The following EPN3 variants were observed in gnomAD, a reference collection of about 807,000 sequenced individuals.
EPN3 encodes the protein epsin-3.
Under a neutral mutation model 55.5 loss-of-function variants are expected in EPN3, and 56 were observed. The ratio of observed to expected loss-of-function variants is 1.01; its 90% CI spans 0.81 to 1.26. The LOEUF is 1.26. Ranked by LOEUF, EPN3 falls within the 50% of genes most tolerant of loss-of-function variation. The pLI, the probability that EPN3 is intolerant of heterozygous loss-of-function variation, is 0.00. For missense variants in EPN3, 927 were observed against 853.4 expected (o/e 1.09, Z -1.07); for synonymous variants, 449 against 375.2 (o/e 1.20, Z -2.27).
chr17:50,534,860 T>A (rs574396621), intron 1 of EPN3, among the ~76,000 whole-genome samples: 3 of 152,282 alleles, frequency 2.0e-5, no homozygotes, highest in African/African-American at 7.2e-5. Context: ...TCTGGCAGCC[T>A]GGGGACCAGT....
At chr17:50,540,183 C>A in intron 5 of EPN3, 64 bp from the exon 6 acceptor site, 1 of 1,332,112 alleles carries the variant, frequency 7.5e-7, no homozygotes, top group Non-Finnish European at 1.1e-6. Flanking sequence ...CCTGACAGGT[C>A]AGGGCCTGCC....
intron 2 of EPN3, 96 bp from the exon 3 acceptor site, chr17:50,537,983 C>T: frequency 7.7e-6 from 8 of 1,041,182 alleles, no homozygotes; most frequent in Non-Finnish European, 8.8e-6. Context: ...TGTTCCCCTC[C>T]TCTCAGTTCT....
At chr17:50,533,160 A>C (rs2034699972) in intron 1 of EPN3, among the ~76,000 whole-genome samples, 175 bp downstream of exon 1, 1 of 152,084 alleles carries the variant, frequency 6.6e-6, no homozygotes, top group African/African-American at 2.4e-5. Flanking sequence ...GCCGCCCCCA[A>C]AAAGGGACTC....
intron 4 of EPN3, 85 bp from the exon 5 acceptor site, chr17:50,539,102 C>T: frequency 6.3e-7 from 1 of 1,584,630 alleles, no homozygotes; most frequent in East Asian, 2.2e-5. Flanking sequence ...ACCCTGCACT[C>T]TCTCGACTCC....
intron 1 of EPN3, among the ~76,000 whole-genome samples, chr17:50,535,042 A>C (rs532533264): frequency 1.3e-5 from 2 of 152,234 alleles, no homozygotes; most frequent in East Asian, 3.9e-4. Flanking sequence ...TTGGTTTCTG[A>C]AAGGGCCTTT....
In EPN3 at chr17:50,543,420, G is replaced by C. The variant is rs952856098; in HGVS notation, c.*1263G>C. On this transcript the variant is annotated 3_prime_UTR_variant, in exon 10 of 10. Coordinates refer to ENST00000268933, the MANE Select transcript of EPN3 (RefSeq NM_017957.3). ...CCTGTTTTTCTTCTCAATGCTCCCT[G>C]ATCACTGGACCACTGGACACTGATG... The C allele has an allele frequency of 6.6e-6, 1 of 152,276 alleles. No individual in the cohort carries two copies. Among genetic ancestry groups the C allele is most frequent in the African/African-American group, 2.4e-5 (1 of 41,462 alleles). The allele number at this position is 152,276 out of a possible 1,614,324, so 9.4% of individuals were successfully genotyped here.
In EPN3 at chr17:50,539,472, G is replaced by T. The variant is rs554870298; in HGVS notation, c.891+157G>T. On this transcript the variant is annotated intron_variant, in intron 5 of 9. Coordinates refer to ENST00000268933, the MANE Select transcript of EPN3 (RefSeq NM_017957.3). ...GGTGTAGCAGCCCTAGTCCCACATT[G>T]CATGGGCTGGTGACTGAGTTAACAG... is the stretch of plus-strand genomic sequence containing the variant. Among the ~76,000 whole-genome samples the T allele has an allele frequency of 3.3e-5, 5 of 152,318 alleles. No homozygotes were observed. In the East Asian group the frequency reaches 9.6e-4, roughly 29 times the overall value.
At chr17:50,538,712 A>T in intron 3 of EPN3, 172 bp from the exon 4 acceptor site, 1 of 515,948 alleles carries the variant, frequency 1.9e-6, no homozygotes. Flanking sequence ...TGCATTTCAG[A>T]TGCAGGCAGG....
rs1192818597 is a variant in EPN3 at position 50,542,258 on chromosome 17, G to A, written c.*101G>A. The A allele has an allele frequency of 2.4e-6, 3 of 1,266,230 alleles. No individual in the cohort carries two copies. Among genetic ancestry groups the A allele is most frequent in the Admixed American group, 8.0e-5 (2 of 24,854 alleles). The allele number at this position is 1,266,230 out of a possible 1,614,324, so 78.4% of individuals were successfully genotyped here. ...GGGGCGCCGGTGCTAGTGGAACGCCGAGCCAGTGGCGGCTGGTATCCCGCG... is the reference window on the plus strand; with the variant it reads ...GGGGCGCCGGTGCTAGTGGAACGCCAAGCCAGTGGCGGCTGGTATCCCGCG... On this transcript the variant is annotated 3_prime_UTR_variant, in exon 10 of 10. Transcript: ENST00000268933.
In EPN3 at chr17:50,538,020, G is replaced by T; in HGVS notation, c.563-59G>T. On this transcript the variant is annotated intron_variant, in intron 2 of 9. Transcript: ENST00000268933. ...TTGAGCCTCAGCTTCCTGGCAGGCA[G>T]AGGGGTGTGGGAGCCGATGGGTAAT... 1.5e-6 allele frequency: 2 copies of T among 1,376,176 alleles called. 1 individual carries two copies. Among genetic ancestry groups the T allele is most frequent in the Non-Finnish European group, 2.1e-6 (2 of 971,768 alleles). The allele number at this position is 1,376,176 out of a possible 1,614,324, so 85.2% of individuals were successfully genotyped here. A position where few individuals can be genotyped will look rare whatever the true frequency, so the allele number is the denominator to read the frequency against.
At chr17:50,534,774 GC>G in intron 1 of EPN3, 1 of 511,210 alleles carries the variant, frequency 2.0e-6, no homozygotes, top group Non-Finnish European at 2.5e-6. Flanking sequence ...TTTGAACTGA[GC>G]CCAGCACTGG....
Position 50,541,987 on chromosome 17 carries a change from G to A in EPN3, c.1729G>A (p.Ala577Thr). The A allele has an allele frequency of 1.3e-6, 2 of 1,597,986 alleles. No individual in the cohort carries two copies. Among genetic ancestry groups the A allele is most frequent in the Non-Finnish European group, 1.7e-6 (2 of 1,178,610 alleles). ...GAPLGSMTYS[A>T]SLPLPLSSVP... is the part of the protein sequence containing the mutation. ...GCCCCTGGGCTCCATGACCTACAGC[G>A]CCTCTCTGCCCCTCCCGCTCAGCAG... The change falls in exon 10 of 10, where the codon GCC becomes ACC. Residue 577 changes from alanine to threonine, a missense_variant. Transcript: ENST00000268933.
chr17:50,534,638 G>A, intron 1 of EPN3: 1 of 985,484 alleles, frequency 1.0e-6, no homozygotes, highest in Non-Finnish European at 1.2e-6. Flanking sequence ...GAAGGAAAGA[G>A]ATAGCAGACA....
chr17:50,533,087 G>A (rs2034698054), intron 1 of EPN3, 102 bp downstream of exon 1: 1 of 713,388 alleles, frequency 1.4e-6, no homozygotes, highest in Non-Finnish European at 2.0e-6. Flanking sequence ...TTTTCCAGGT[G>A]CGAGGGAGAA....
In EPN3 at chr17:50,542,076, A is replaced by G. The variant is rs759223780; in HGVS notation, c.1818A>G (p.Ala606=). Residue 606 remains alanine, a synonymous_variant, in exon 10 of 10, where the codon GCA becomes GCG. Coordinates refer to ENST00000268933, the MANE Select transcript of EPN3 (RefSeq NM_017957.3). ...TCTTCCCGCAGGCCGGAGCCTTCGC[A>G]CCGCAGCCGCTGCTGCCCACGCCGA... ...VSVFPQAGAF[A]PQPLLPTPSS... 8.2e-6 allele frequency: 13 copies of G among 1,580,158 alleles called. No individual in the cohort carries two copies. Among genetic ancestry groups the G allele is most frequent in the African/African-American group, 6.9e-5 (5 of 72,914 alleles).
rs144393297 is a variant in EPN3, at chr17:50,536,634, G to A, written c.78G>A (p.Glu26=). ...CCGAGGCAGAAATCAAGGTGCGCGA[G>A]GCCACCAGCAATGACCCCTGGGGCC... is the stretch of plus-strand genomic sequence containing the variant. The part of the protein sequence containing the change: ...NYSEAEIKVR[E]ATSNDPWGPP... The change falls in exon 2 of 10, where the codon GAG becomes GAA. Residue 26 remains glutamate (E), a synonymous_variant. Coordinates refer to ENST00000268933, the MANE Select transcript of EPN3 (RefSeq NM_017957.3). The A allele has an allele frequency of 1.9e-6, 3 of 1,613,946 alleles. No individual in the cohort carries two copies. The highest frequency in any genetic ancestry group is 2.5e-6 in the Non-Finnish European group (3 of 1,180,022).
At chr17:50,537,526 C>G (rs2034782436) in intron 2 of EPN3, 1 of 241,708 alleles carries the variant, frequency 4.1e-6, no homozygotes, top group Non-Finnish European at 8.1e-6. Context: ...AGACCAGGTT[C>G]AGGAACGTCC....
chr17:50,536,988 A>T lies in EPN3; in HGVS notation c.432A>T (p.Arg144=). 6.2e-7 allele frequency: 1 copy of T among 1,613,734 alleles called. No individual in the cohort carries two copies. Residue 144 remains arginine, a synonymous_variant, in exon 2 of 10, where the codon CGA becomes CGT. Coordinates refer to ENST00000268933, the MANE Select transcript of EPN3 (RefSeq NM_017957.3). ...LKDEERLRQE[R]THALKTKERM... is the part of the protein sequence containing the mutation. ...ATGAGGAGCGGCTGCGGCAGGAGCG[A>T]ACCCACGCCCTCAAGACCAAGGAGC... is the stretch of plus-strand genomic sequence containing the variant.
At position 50,542,171 on chromosome 17, in the gene EPN3, C is replaced by T; in HGVS notation, c.*14C>T. The T allele has an allele frequency of 6.8e-7, 1 of 1,471,972 alleles. No individual in the cohort carries two copies. The highest frequency in any genetic ancestry group is 8.9e-7 in the Non-Finnish European group (1 of 1,121,466). 91.2% of individuals were successfully genotyped at this position (1,471,972 alleles called of 1,614,324 possible). A position where few individuals can be genotyped will look rare whatever the true frequency, so the allele number is the denominator to read the frequency against. ...CCCTTCCTCTGAGCCCCGCCCCGTC[C>T]CATACCGGCCTGCGCCTGCGCCGGA... On this transcript the variant is annotated 3_prime_UTR_variant, in exon 10 of 10. Transcript: ENST00000268933.
Sources: allele counts gnomAD v4.1 joint callset (sites outside exome capture counted in the v4.1 genomes callset), GRCh38; gene constraint gnomAD v4.1.1; transcripts MANE v1.5; gene names NCBI Gene and HGNC (gene_info 2026-07-23, HGNC 2026-07-21).